The following CACNA1C variants were observed in gnomAD, a reference collection of about 807,000 sequenced individuals.
CACNA1C encodes the protein calcium voltage-gated channel subunit alpha1 C.
A neutral mutation model predicts 229.0 loss-of-function variants in CACNA1C; 30 were observed. The observed-to-expected ratio is 0.13, with a 90% CI of 0.10 to 0.18. CACNA1C has a LOEUF of 0.18. Ranked by LOEUF, CACNA1C falls within the 10% of genes least tolerant of loss-of-function variation. The pLI is 1.00. For missense variants in CACNA1C, 1,658 were observed against 2,845.0 expected (o/e 0.58, Z 9.49); for synonymous variants, 1,114 against 1,132.5 (o/e 0.98, Z 0.33).
intron 3 of CACNA1C, among the ~76,000 whole-genome samples, chr12:2,256,090 C>CGACCCTGACCTGA (rs142296568): frequency 1.7e-4 from 6 of 34,912 alleles, no homozygotes; most frequent in Non-Finnish European, 3.5e-4. Flanking sequence ...TACAATCACA[C>CGACCCTGACCTGA]CTCCTGTTTC....
chr12:2,583,214 C>T (rs1449913063), intron 15 of CACNA1C, among the ~76,000 whole-genome samples: 1 of 152,212 alleles, frequency 6.6e-6, no homozygotes, highest in African/African-American at 2.4e-5. Context: ...CCTGGCGTTG[C>T]GGCGTGTGCG....
At chr12:2,172,797 T>C (rs2096535635) in intron 3 of CACNA1C, among the ~76,000 whole-genome samples, 1 of 152,164 alleles carries the variant, frequency 6.6e-6, no homozygotes, top group Non-Finnish European at 1.5e-5. Flanking sequence ...AATGCCAAGA[T>C]TGGAGAAAAC....
At chr12:2,460,526 G>A (rs1040398361) in intron 5 of CACNA1C, among the ~76,000 whole-genome samples, 1 of 152,164 alleles carries the variant, frequency 6.6e-6, no homozygotes, top group African/African-American at 2.4e-5. Flanking sequence ...GATTAGATCG[G>A]GTCACTTGGT....
chr12:2,544,796 C>T (rs2099878049), intron 9 of CACNA1C, among the ~76,000 whole-genome samples: 1 of 152,164 alleles, frequency 6.6e-6, no homozygotes, highest in African/African-American at 2.4e-5. Context: ...GCAGATGAGG[C>T]AAAACTTTGT....
chr12:2,314,070 T>C (rs909355847), intron 3 of CACNA1C, among the ~76,000 whole-genome samples: 1 of 152,198 alleles, frequency 6.6e-6, no homozygotes, highest in Non-Finnish European at 1.5e-5. Context: ...CCCCCACTTC[T>C]TATTCCCTTT....
At chr12:2,291,837 G>A (rs2093550235) in intron 3 of CACNA1C, among the ~76,000 whole-genome samples, 1 of 152,232 alleles carries the variant, frequency 6.6e-6, no homozygotes, top group Non-Finnish European at 1.5e-5. Flanking sequence ...TTCACATGCA[G>A]GAAGAAGACC....
At chr12:2,079,295 A>G (rs77787306) in intron 1 of CACNA1C, among the ~76,000 whole-genome samples, 4 of 152,046 alleles carry the variant, frequency 2.6e-5, no homozygotes, top group African/African-American at 9.7e-5. Context: ...TTAAAAAAAA[A>G]TAGTTAAGAT....
chr12:2,208,312 G>A (rs943210356), intron 3 of CACNA1C, among the ~76,000 whole-genome samples: 80 of 152,348 alleles, frequency 5.3e-4, no homozygotes, highest in African/African-American at 1.9e-3. Context: ...TGTGCTAAAA[G>A]AGAAGAACAG....
At chr12:2,106,639 G>A (rs1263352865) in intron 1 of CACNA1C, among the ~76,000 whole-genome samples, 3 of 74,698 alleles carry the variant, frequency 4.0e-5, no homozygotes, top group Non-Finnish European at 8.8e-5. Flanking sequence ...GCCACTGGGC[G>A]CCCACCCCGG....
At chr12:2,136,765 C>G (rs531323280) in intron 3 of CACNA1C, among the ~76,000 whole-genome samples, 2 of 151,382 alleles carry the variant, frequency 1.3e-5, no homozygotes, top group African/African-American at 4.8e-5. Context: ...GTAGACTTGG[C>G]TTTGAGGCCA....
chr12:2,305,363 A>G (rs1424902814), intron 3 of CACNA1C, among the ~76,000 whole-genome samples: 1 of 152,238 alleles, frequency 6.6e-6, no homozygotes, highest in Non-Finnish European at 1.5e-5. Flanking sequence ...GTGCAGCCTC[A>G]GGTGGAGCCC....
At position 2,610,630 on chromosome 12, in the gene CACNA1C, C is replaced by T. The variant is rs1057521327; in HGVS notation, c.3648C>T (p.Val1216=). The change falls in exon 28 of 47, where the codon GTC becomes GTT. Residue 1216 remains valine (V), a synonymous_variant. Transcript: ENST00000399655. Reference sequence around the variant, plus strand: ...ACCAGTACAAAGTGTGGTACGTGGTCAACTCCACCTACTTCGAGTACCTGA... The same window carrying T: ...ACCAGTACAAAGTGTGGTACGTGGTTAACTCCACCTACTTCGAGTACCTGA... ...NQHQYKVWYV[V]NSTYFEYLMF... 3.1e-6 allele frequency: 5 copies of T among 1,614,196 alleles called. No individual in the cohort carries two copies. The highest frequency in any genetic ancestry group is 4.2e-6 in the Non-Finnish European group (5 of 1,180,020).
intron 4 of CACNA1C, among the ~76,000 whole-genome samples, chr12:2,449,786 G>A (rs117738512): frequency 2.6e-5 from 4 of 152,162 alleles, no homozygotes; most frequent in African/African-American, 7.2e-5. Context: ...ATCTGGCCCC[G>A]CAGTTCCTCT....
At position 2,486,352 on chromosome 12, in the gene CACNA1C, C is replaced by A; in HGVS notation, c.916+90C>A. 1 of 1,127,190 alleles carries A rather than the reference C, an allele frequency of 8.9e-7. No homozygotes were observed. Among genetic ancestry groups the A allele is most frequent in the Non-Finnish European group, 1.3e-6 (1 of 786,860 alleles). 69.8% of individuals were successfully genotyped at this position (1,127,190 alleles called of 1,614,324 possible). A position where few individuals can be genotyped will look rare whatever the true frequency, so the allele number is the denominator to read the frequency against. ...CTGCTGGCTACACCAACATGACCAG[C>A]AGAGCCCAGGGAAGGCCCCATTCAT... On this transcript the variant is annotated intron_variant, in intron 6 of 46. Coordinates refer to ENST00000399655, the MANE Select transcript of CACNA1C (RefSeq NM_000719.7). This position sits in a 1 kb window ranked among gnomAD's most constrained non-coding sequence, Gnocchi z 4.9.
chr12:2,161,671 GA>G (rs770049525), intron 3 of CACNA1C, among the ~76,000 whole-genome samples: 4 of 152,240 alleles, frequency 2.6e-5, no homozygotes, highest in Non-Finnish European at 5.9e-5. Context: ...CAGCCAAACT[GA>G]CGGTGCTGTA....
chr12:2,445,888 G>A (rs11833023), intron 3 of CACNA1C, among the ~76,000 whole-genome samples: 27,730 of 152,098 alleles, frequency 0.18, 2,670 homozygotes, highest in Middle Eastern at 0.21. Flanking sequence ...AGAGGGAGGA[G>A]TGGTTCTGTG....
At chr12:2,490,314 C>T (rs1297127646) in intron 6 of CACNA1C, among the ~76,000 whole-genome samples, 2 of 152,212 alleles carry the variant, frequency 1.3e-5, no homozygotes, top group African/African-American at 4.8e-5. Context: ...GCAGCCTTCT[C>T]CTCTTCCCTG....
intron 3 of CACNA1C, among the ~76,000 whole-genome samples, chr12:2,366,631 T>C (rs2097726128): frequency 1.3e-5 from 2 of 152,200 alleles, no homozygotes; most frequent in African/African-American, 4.8e-5. Context: ...TTTCAAAAAC[T>C]CAAGATAAAA....
At chr12:2,385,234 T>C (rs960476348) in intron 3 of CACNA1C, among the ~76,000 whole-genome samples, 2 of 152,176 alleles carry the variant, frequency 1.3e-5, no homozygotes, top group Non-Finnish European at 2.9e-5. Context: ...AGGGATCTGC[T>C]TGAGCTCCCT....
Sources: gnomAD v4.1 joint callset for allele counts (sites outside exome capture counted in the v4.1 genomes callset) on GRCh38, gnomAD v4.1.1 for gene constraint, Gnocchi (gnomAD v3.1) non-coding constraint, MANE v1.5 for transcripts, NCBI Gene and HGNC (gene_info 2026-07-23, HGNC 2026-07-21) for gene names.